Variants in SPEF2 observed in about 807,000 individuals in gnomAD.
The protein encoded by SPEF2 is sperm flagellar and cilia associated 2.
SPEF2 carries 187 observed loss-of-function variants against 224.6 expected under a neutral mutation model. That is an observed-to-expected ratio of 0.83 (90% CI 0.74 to 0.94). The LOEUF (loss-of-function observed/expected upper bound fraction) is 0.94, where lower values mean the gene tolerates loss of function less well. Ranked by LOEUF, SPEF2 falls within the 40% of genes least tolerant of loss-of-function variation. The pLI, the probability that SPEF2 is intolerant of heterozygous loss-of-function variation, is 0.00. For missense variants in SPEF2, 2,170 were observed against 2,135.6 expected (o/e 1.02, Z -0.32); for synonymous variants, 715 against 707.3 (o/e 1.01, Z -0.17).
intron 20 of SPEF2, among the ~76,000 whole-genome samples, chr5:35,714,678 A>ATTTTTATT (rs1742164661): frequency 1.1e-5 from 1 of 91,726 alleles, no homozygotes; most frequent in South Asian, 3.7e-4. Context: ...TTTTGGGTTT[A>ATTTTTATT]TTTTTATTTA....
At chr5:35,780,122 C>T (rs918290050) in intron 30 of SPEF2, among the ~76,000 whole-genome samples, 3 of 152,210 alleles carry the variant, frequency 2.0e-5, no homozygotes, top group African/African-American at 7.2e-5. Flanking sequence ...ATCCAAAGTT[C>T]TTGCCCCTTC....
Position 35,708,569 on chromosome 5 carries a change from A to ACACCGCCACCATCACCATAACTAT in SPEF2, c.2666-375_2666-374insGCCACCATCACCATAACTATCACC, listed in dbSNP as rs1554037867. ...CACCACTCCTACCATCACCACTACC[A>ACACCGCCACCATCACCATAACTAT]CACCACCACCATCACTACCACCATC... On this transcript the variant is annotated intron_variant, in intron 18 of 36. Coordinates refer to ENST00000356031, the MANE Select transcript of SPEF2 (RefSeq NM_024867.4). Among the ~76,000 whole-genome samples the ACACCGCCACCATCACCATAACTAT allele has an allele frequency of 1.0e-3, 95 of 91,670 alleles. 3 individuals carry two copies. Among genetic ancestry groups the ACACCGCCACCATCACCATAACTAT allele is most frequent in the African/African-American group, 3.8e-3 (92 of 24,000 alleles). 60.1% of individuals were successfully genotyped at this position (91,670 alleles called of 152,430 possible).
chr5:35,779,207 C>T lies in SPEF2; in HGVS notation c.4308C>T (p.Phe1436=), dbSNP rs1561351588. Residue 1436 remains phenylalanine (F), a synonymous_variant, in exon 30 of 37, where the codon TTC becomes TTT. Coordinates refer to ENST00000356031, the MANE Select transcript of SPEF2 (RefSeq NM_024867.4). ...TTTATTTAAGCCAAGAAGACTTCTT[C>T]ATTAATGGCAATATAAAAGTCTTCC... ...NELYLSQEDF[F]INGNIKVFPD... The T allele has an allele frequency of 2.5e-6, 4 of 1,613,810 alleles. No homozygotes were observed. Among genetic ancestry groups the T allele is most frequent in the South Asian group, 2.2e-5 (2 of 91,074 alleles).
chr5:35,770,265 A>T (rs1752645495), intron 26 of SPEF2, among the ~76,000 whole-genome samples: 1 of 152,108 alleles, frequency 6.6e-6, no homozygotes, highest in African/African-American at 2.4e-5. Context: ...TATAAAGTAC[A>T]CTGTGAAGTT....
intron 30 of SPEF2, among the ~76,000 whole-genome samples, chr5:35,781,878 A>G (rs1328319508): frequency 1.3e-5 from 2 of 152,152 alleles, no homozygotes; most frequent in African/African-American, 4.8e-5. Flanking sequence ...TGCTATTCTT[A>G]TAGAGGGCAG....
At chr5:35,680,287 G>A (rs1019349140) in intron 10 of SPEF2, among the ~76,000 whole-genome samples, 3 of 152,154 alleles carry the variant, frequency 2.0e-5, no homozygotes, top group African/African-American at 7.2e-5. Context: ...TACTTCGGGA[G>A]ATACTTCCTG....
intron 30 of SPEF2, chr5:35,789,575 T>C (rs1484010548): frequency 3.1e-6 from 2 of 648,690 alleles, no homozygotes; most frequent in East Asian, 2.7e-5. Flanking sequence ...AAAACATTTC[T>C]GCTGTGAGAA....
chr5:35,722,731 C>T (rs563869206), intron 20 of SPEF2, among the ~76,000 whole-genome samples: 4 of 140,658 alleles, frequency 2.8e-5, no homozygotes, highest in Non-Finnish European at 4.5e-5. Flanking sequence ...TGAGAATATG[C>T]GGTGTTTGGT....
rs368783066 is a variant in SPEF2, at chr5:35,623,872, G to C, written c.59-4588G>C. Among the ~76,000 whole-genome samples, 13 of 152,274 alleles carry C rather than the reference G, an allele frequency of 8.5e-5. 1 individual carries two copies. In the East Asian group the frequency reaches 2.5e-3, roughly 29 times the overall value. On this transcript the variant is annotated intron_variant, in intron 1 of 36. Transcript: ENST00000356031. ...AAATAATCACTGAGCTTTTACTGGG[G>C]ACCAGGCAGTATGCTAAGCATTTTA...
Position 35,800,166 on chromosome 5 carries a change from T to C in SPEF2, c.5010+19T>C, listed in dbSNP as rs1430136289. On this transcript the variant is annotated intron_variant, in intron 34 of 36. Coordinates refer to ENST00000356031, the MANE Select transcript of SPEF2 (RefSeq NM_024867.4). ...AGAAAAGGTAATTGCATTCCAGAAA[T>C]AGACTAACTATAGAGTCTAGAGGGG... is the stretch of plus-strand genomic sequence containing the variant. 5.6e-6 allele frequency: 9 copies of C among 1,613,436 alleles called. No individual in the cohort carries two copies. The highest frequency in any genetic ancestry group is 7.6e-6 in the Non-Finnish European group (9 of 1,179,698).
At chr5:35,703,513 G>C (rs1047706073) in intron 16 of SPEF2, among the ~76,000 whole-genome samples, 1 of 152,018 alleles carries the variant, frequency 6.6e-6, no homozygotes, top group Non-Finnish European at 1.5e-5. Flanking sequence ...CAAAGATGGA[G>C]CCATTCAGGG....
chr5:35,742,832 A>G (rs553730365), intron 23 of SPEF2, among the ~76,000 whole-genome samples: 13 of 152,046 alleles, frequency 8.6e-5, no homozygotes, highest in Admixed American at 5.2e-4. Context: ...TAATATGCAG[A>G]AGGTTTTTAA....
At chr5:35,619,920 G>C (rs1367819036) in intron 1 of SPEF2, among the ~76,000 whole-genome samples, 1 of 152,070 alleles carries the variant, frequency 6.6e-6, no homozygotes, top group Non-Finnish European at 1.5e-5. Context: ...CAACATTTAG[G>C]CTATGGATAG....
intron 30 of SPEF2, chr5:35,789,415 A>G: frequency 5.8e-6 from 4 of 691,846 alleles, no homozygotes; most frequent in Non-Finnish European, 7.9e-6. Flanking sequence ...CAAACTAGAC[A>G]GTTTGACTTG....
chr5:35,645,685 A>G (rs924532522), intron 4 of SPEF2, among the ~76,000 whole-genome samples: 1 of 152,168 alleles, frequency 6.6e-6, no homozygotes, highest in African/African-American at 2.4e-5. Context: ...GCCAAGCCTA[A>G]TGCAGACAGT....
intron 18 of SPEF2, among the ~76,000 whole-genome samples, chr5:35,708,662 CCACCAG>C (rs1367025147): frequency 2.0e-5 from 3 of 151,780 alleles, no homozygotes; most frequent in African/African-American, 4.8e-5. Flanking sequence ...ACCACCACTA[CCACCAG>C]CACCATCACC....
intron 33 of SPEF2, among the ~76,000 whole-genome samples, chr5:35,797,762 G>T (rs569931717): frequency 3.3e-5 from 5 of 152,320 alleles, no homozygotes; most frequent in Non-Finnish European, 7.4e-5. Flanking sequence ...TACTTATTTG[G>T]CTGTAATTAG....
chr5:35,654,806 TTATA>T, intron 7 of SPEF2, 80 bp downstream of exon 7: 1 of 1,258,952 alleles, frequency 7.9e-7, no homozygotes, highest in Non-Finnish European at 1.1e-6. Flanking sequence ...AATATGTAGT[TTATA>T]TATGTATTGT....
chr5:35,670,277 CTTTAACA>C (rs1751061227), intron 10 of SPEF2, 50 bp downstream of exon 10: 1 of 1,520,628 alleles, frequency 6.6e-7, no homozygotes, highest in Non-Finnish European at 8.8e-7. Flanking sequence ...AATCCTTTTT[CTTTAACA>C]TTAATTTTGT....
Sources: gnomAD v4.1 joint callset for allele counts (sites outside exome capture counted in the v4.1 genomes callset) on GRCh38, gnomAD v4.1.1 for gene constraint, MANE v1.5 for transcripts, NCBI Gene and HGNC (gene_info 2026-07-23, HGNC 2026-07-21) for gene names.